The following JPH1 variants were observed in gnomAD, a reference collection of about 807,000 sequenced individuals.
JPH1 encodes junctophilin 1.
In JPH1, 12 loss-of-function variants were observed where a neutral mutation model predicts 53.6. The ratio of observed to expected loss-of-function variants is 0.22; its 90% CI spans 0.14 to 0.36. JPH1 has a LOEUF of 0.36. Ranked by LOEUF, JPH1 falls within the 10% of genes least tolerant of loss-of-function variation. The probability of loss-of-function intolerance (pLI) is 1.00; values close to 1 mark genes in which losing one functional copy is unlikely to be tolerated. For synonymous variants in JPH1, 375 were observed against 363.8 expected (o/e 1.03, Z -0.35); for missense variants, 808 against 905.5 (o/e 0.89, Z 1.38).
intron 2 of JPH1, among the ~76,000 whole-genome samples, chr8:74,261,274 A>C (rs1806388534): frequency 6.6e-6 from 1 of 152,194 alleles, no homozygotes. Context: ...ATACCGGTTC[A>C]TCAATTACAC....
chr8:74,313,942 A>G (rs1808066582), intron 2 of JPH1, among the ~76,000 whole-genome samples: 1 of 152,186 alleles, frequency 6.6e-6, no homozygotes, highest in African/African-American at 2.4e-5. Context: ...TTTATTCCCA[A>G]TAGATTTTTC....
chr8:74,317,992 T>C lies in JPH1; in HGVS notation c.380-2372A>G, dbSNP rs563019560. Among the ~76,000 whole-genome samples the C allele has an allele frequency of 1.8e-4, 28 of 152,324 alleles. 1 individual carries two copies. In the South Asian group the frequency reaches 5.6e-3, roughly 30 times the overall value. ...TTGGCCACATTCCTCTCCTATTTTG[T>C]TAAATCACAGTATATGAAAGAATTC... On this transcript the variant is annotated intron_variant, in intron 1 of 5. Transcript: ENST00000342232.
intron 4 of JPH1, among the ~76,000 whole-genome samples, chr8:74,239,417 C>A (rs1317597876): frequency 6.6e-6 from 1 of 152,096 alleles, no homozygotes; most frequent in African/African-American, 2.4e-5. Flanking sequence ...TGACATTTTC[C>A]TCTATATCCT....
At chr8:74,268,676 A>G (rs1213093384) in intron 2 of JPH1, among the ~76,000 whole-genome samples, 1 of 152,154 alleles carries the variant, frequency 6.6e-6, no homozygotes, top group African/African-American at 2.4e-5. Flanking sequence ...CTTCTGGGTA[A>G]CAATGAGAAT....
At chr8:74,297,823 CTAGA>C (rs1430420394) in intron 2 of JPH1, among the ~76,000 whole-genome samples, 1 of 152,154 alleles carries the variant, frequency 6.6e-6, no homozygotes, top group African/African-American at 2.4e-5. Flanking sequence ...GTGTGGCTAT[CTAGA>C]TAGTGTGATG....
intron 3 of JPH1, among the ~76,000 whole-genome samples, chr8:74,247,365 A>G (rs1298190549): frequency 6.6e-6 from 1 of 152,224 alleles, no homozygotes; most frequent in Non-Finnish European, 1.5e-5. Flanking sequence ...TGCAAAGATA[A>G]TTAAAATAGT....
At chr8:74,298,701 T>C (rs1164612513) in intron 2 of JPH1, among the ~76,000 whole-genome samples, 1 of 152,130 alleles carries the variant, frequency 6.6e-6, no homozygotes, top group Non-Finnish European at 1.5e-5. Flanking sequence ...AGCTACAGGG[T>C]ACAAATCTGA....
chr8:74,318,754 C>T (rs1351809520), intron 1 of JPH1, among the ~76,000 whole-genome samples: 1 of 152,148 alleles, frequency 6.6e-6, no homozygotes, highest in Non-Finnish European at 1.5e-5. Flanking sequence ...CAAACAAAAA[C>T]AAGCTAACTC....
At chr8:74,277,309 A>G (rs1327368727) in intron 2 of JPH1, among the ~76,000 whole-genome samples, 1 of 152,090 alleles carries the variant, frequency 6.6e-6, no homozygotes, top group African/African-American at 2.4e-5. Context: ...CTGTCTTGGC[A>G]CCTGTAATAT....
At chr8:74,257,746 T>C (rs760563736) in intron 3 of JPH1, among the ~76,000 whole-genome samples, 3 of 151,936 alleles carry the variant, frequency 2.0e-5, no homozygotes, top group Non-Finnish European at 4.4e-5. Flanking sequence ...ATTGCATATA[T>C]ATAAAAAATG....
intron 3 of JPH1, among the ~76,000 whole-genome samples, chr8:74,253,037 C>A (rs1383246913): frequency 6.6e-6 from 1 of 152,070 alleles, no homozygotes; most frequent in East Asian, 1.9e-4. Context: ...CTGCACCAAG[C>A]AGATCTAATA....
At chr8:74,273,885 G>A (rs1322681723) in intron 2 of JPH1, among the ~76,000 whole-genome samples, 2 of 152,242 alleles carry the variant, frequency 1.3e-5, no homozygotes, top group South Asian at 2.1e-4. Context: ...TGAAGGAGGT[G>A]TCTTATCTTC....
intron 3 of JPH1, among the ~76,000 whole-genome samples, chr8:74,257,610 G>A (rs1337012847): frequency 2.6e-5 from 4 of 152,154 alleles, no homozygotes; most frequent in African/African-American, 7.2e-5. Flanking sequence ...CAGCTCTCAC[G>A]CCCTGGAACA....
intron 2 of JPH1, among the ~76,000 whole-genome samples, chr8:74,273,499 A>G (rs1348447892): frequency 1.3e-5 from 2 of 152,222 alleles, no homozygotes; most frequent in African/African-American, 2.4e-5. Context: ...GAATAATTTA[A>G]CCAAAATATT....
At chr8:74,287,052 C>T (rs1161922034) in intron 2 of JPH1, among the ~76,000 whole-genome samples, 1 of 152,200 alleles carries the variant, frequency 6.6e-6, no homozygotes, top group Non-Finnish European at 1.5e-5. Flanking sequence ...TTACAACTCT[C>T]AAGAGCTGAA....
Position 74,259,534 on chromosome 8 carries a change from T to C in JPH1, c.1140-31A>G, listed in dbSNP as rs1349622810. The C allele has an allele frequency of 6.2e-6, 9 of 1,442,422 alleles. No individual in the cohort carries two copies. In the African/African-American group the frequency reaches 1.3e-4, roughly 21 times the overall value. 89.4% of individuals were successfully genotyped at this position (1,442,422 alleles called of 1,614,324 possible). A position where few individuals can be genotyped will look rare whatever the true frequency, so the allele number is the denominator to read the frequency against. ...CGGGGCACAAAAGGACGAGTCAGCATAGGTGACCCCTTGTTACTTACACAG... is the reference window on the plus strand; with the variant it reads ...CGGGGCACAAAAGGACGAGTCAGCACAGGTGACCCCTTGTTACTTACACAG... On this transcript the variant is annotated intron_variant, in intron 2 of 5. Coordinates refer to ENST00000342232, the MANE Select transcript of JPH1 (RefSeq NM_020647.4).
chr8:74,306,721 C>T (rs147137688), intron 2 of JPH1, among the ~76,000 whole-genome samples: 3,319 of 151,954 alleles, frequency 0.022, 52 homozygotes, highest in Non-Finnish European at 0.032. Context: ...CTCAGCCTCC[C>T]GAGTAGCTGG....
Position 74,237,297 on chromosome 8 carries a change from T to A in JPH1, c.1912A>T (p.Asn638Tyr). ...ALEKEANSGP[N>Y]SIMIVLVMLL... is the part of the protein sequence containing the mutation. ...ATGACAAGGACAATCATGATTGAAT[T>A]AGGGCCCTGAAAATGAAAGAGAACA... The change falls in exon 5 of 6, where the codon AAT (asparagine) becomes TAT (tyrosine). Residue 638 changes from asparagine to tyrosine, a missense_variant. Around this residue, in one of 2 missense-constraint regions of JPH1, gnomAD observed 756 missense variants for 811.9 expected, o/e 0.93. Coordinates refer to ENST00000342232, the MANE Select transcript of JPH1 (RefSeq NM_020647.4). The A allele has an allele frequency of 6.2e-7, 1 of 1,611,420 alleles. No individual in the cohort carries two copies.
intron 1 of JPH1, among the ~76,000 whole-genome samples, chr8:74,316,644 A>G (rs1354916865): frequency 1.3e-5 from 2 of 152,248 alleles, no homozygotes; most frequent in Non-Finnish European, 2.9e-5. Flanking sequence ...GAGGAAAGGT[A>G]TATTTGACAC....
Sources: allele counts gnomAD v4.1 joint callset (sites outside exome capture counted in the v4.1 genomes callset), GRCh38; gene constraint gnomAD v4.1.1; regional missense constraint gnomAD v4.1.1; transcripts MANE v1.5; gene names NCBI Gene and HGNC (gene_info 2026-07-23, HGNC 2026-07-21).